The following PTPRN2 variants were observed in gnomAD, a reference collection of about 807,000 sequenced individuals.
The protein encoded by PTPRN2 is protein tyrosine phosphatase receptor type N2.
A neutral mutation model predicts 118.8 loss-of-function variants in PTPRN2; 74 were observed. The ratio of observed to expected loss-of-function variants is 0.62; its 90% CI spans 0.52 to 0.76. The LOEUF (loss-of-function observed/expected upper bound fraction) is 0.76, where lower values mean the gene tolerates loss of function less well. Ranked by LOEUF, PTPRN2 falls within the 30% of genes least tolerant of loss-of-function variation. PTPRN2 has a pLI of 0.00. For missense variants in PTPRN2, 1,481 were observed against 1,394.4 expected, an observed-to-expected ratio of 1.06 and a Z score of -0.99; for synonymous variants, 641 against 608.0, an observed-to-expected ratio of 1.05 and a Z score of -0.80.
In PTPRN2 at chr7:157,671,689, G is replaced by A. The variant is rs1796424476; in HGVS notation, c.2001+11036C>T. On this transcript the variant is annotated intron_variant, in intron 13 of 22. Coordinates refer to ENST00000389418, the MANE Select transcript of PTPRN2 (RefSeq NM_002847.5). The surrounding 1 kb of genome is among the most constrained non-coding windows in gnomAD (Gnocchi z 4.1). ...GCGGGCTGGGGGCGGAGCGGCTACTGGAGCAGCTGCTTCTCCATTTTCGGA... is the reference window on the plus strand; with the variant it reads ...GCGGGCTGGGGGCGGAGCGGCTACTAGAGCAGCTGCTTCTCCATTTTCGGA... 6.6e-6 allele frequency among the ~76,000 whole-genome samples: 1 copy of A among 152,154 alleles called. No homozygotes were observed. The highest frequency in any genetic ancestry group is 1.9e-4 in the East Asian group (1 of 5,180).
intron 11 of PTPRN2, among the ~76,000 whole-genome samples, chr7:158,044,332 G>C (rs1808685339): frequency 6.6e-6 from 1 of 152,276 alleles, no homozygotes; most frequent in East Asian, 1.9e-4. Flanking sequence ...GGCAGGGGTG[G>C]GGGGCGTCCT....
At chr7:158,151,023 G>A (rs1046294850) in intron 6 of PTPRN2, among the ~76,000 whole-genome samples, 1 of 146,192 alleles carries the variant, frequency 6.8e-6, no homozygotes, top group African/African-American at 2.6e-5. Context: ...CGGGAAGCCA[G>A]GCCCTGTCAC....
At chr7:157,876,230 G>T (rs1158050620) in intron 12 of PTPRN2, among the ~76,000 whole-genome samples, 1 of 152,234 alleles carries the variant, frequency 6.6e-6, no homozygotes, top group Non-Finnish European at 1.5e-5. Flanking sequence ...TTGGTCTCCT[G>T]TTGTGACCCA....
At chr7:158,076,482 C>G (rs542797649) in intron 11 of PTPRN2, among the ~76,000 whole-genome samples, 2 of 152,262 alleles carry the variant, frequency 1.3e-5, no homozygotes, top group African/African-American at 4.8e-5. Context: ...CCCCCTCCCC[C>G]GGGGCCAACC....
At position 157,763,521 on chromosome 7, in the gene PTPRN2, C is replaced by T. The variant is rs1802270092; in HGVS notation, c.1789-80584G>A. Among the ~76,000 whole-genome samples the T allele has an allele frequency of 6.6e-6, 1 of 152,086 alleles. No individual in the cohort carries two copies. Among genetic ancestry groups the T allele is most frequent in the Admixed American group, 6.5e-5 (1 of 15,268 alleles). On this transcript the variant is annotated intron_variant, in intron 12 of 22. Coordinates refer to ENST00000389418, the MANE Select transcript of PTPRN2 (RefSeq NM_002847.5). This position sits in a 1 kb window ranked among gnomAD's most constrained non-coding sequence, Gnocchi z 4.9. ...AGTTGGGGATCCTCTCGGCTGGGTC[C>T]CCAGGGGAGCTGCACACTGAGCCTC...
chr7:158,130,641 C>A (rs2150421960), intron 9 of PTPRN2, among the ~76,000 whole-genome samples: 1 of 151,340 alleles, frequency 6.6e-6, no homozygotes, highest in East Asian at 2.0e-4. Context: ...TATGCACAAA[C>A]CAATACACAT....
At chr7:157,637,978 A>C (rs1364624268) in intron 14 of PTPRN2, among the ~76,000 whole-genome samples, 1 of 152,252 alleles carries the variant, frequency 6.6e-6, no homozygotes, top group East Asian at 1.9e-4. Flanking sequence ...AGAAACACTG[A>C]ATTCTATAGC....
chr7:157,755,465 G>C (rs1353266448), intron 12 of PTPRN2, among the ~76,000 whole-genome samples: 1 of 152,110 alleles, frequency 6.6e-6, no homozygotes, highest in Non-Finnish European at 1.5e-5. Context: ...TGTCTTCACG[G>C]GGGGGTTTGA....
At chr7:158,059,059 C>A (rs865825347) in intron 11 of PTPRN2, among the ~76,000 whole-genome samples, 115 of 114,718 alleles carry the variant, frequency 1.0e-3, no homozygotes, top group Non-Finnish European at 1.3e-3. Context: ...CTCCATCTGC[C>A]CACGGTGACA....
At chr7:157,634,772 G>A (rs184204819) in intron 14 of PTPRN2, among the ~76,000 whole-genome samples, 40 of 152,314 alleles carry the variant, frequency 2.6e-4, no homozygotes, top group Admixed American at 1.8e-3. Flanking sequence ...GGCTGACAGG[G>A]GTTCTAGCCC....
chr7:158,571,362 C>T (rs1828019213), intron 1 of PTPRN2, among the ~76,000 whole-genome samples: 1 of 151,734 alleles, frequency 6.6e-6, no homozygotes, highest in African/African-American at 2.4e-5. Flanking sequence ...CCTGTAATCC[C>T]AGCTACTTGG....
At chr7:158,139,687 C>T (rs903934147) in intron 6 of PTPRN2, among the ~76,000 whole-genome samples, 17 of 150,408 alleles carry the variant, frequency 1.1e-4, no homozygotes, top group South Asian at 2.1e-4. Flanking sequence ...GCAGCGGGGG[C>T]GGGGCGGGGG....
At chr7:157,818,463 C>T (rs1806578527) in intron 12 of PTPRN2, among the ~76,000 whole-genome samples, 1 of 150,960 alleles carries the variant, frequency 6.6e-6, no homozygotes, top group Admixed American at 6.6e-5. Flanking sequence ...GGGCCAGGTG[C>T]CCAAGCTACA....
chr7:157,812,943 C>T (rs1444968191), intron 12 of PTPRN2, among the ~76,000 whole-genome samples: 1 of 152,150 alleles, frequency 6.6e-6, no homozygotes, highest in African/African-American at 2.4e-5. Flanking sequence ...GTTTAGAAGT[C>T]CCTAAGCCAA....
In PTPRN2 at chr7:157,997,108, C is replaced by T. The variant is rs1398052211; in HGVS notation, c.1723+84190G>A. On this transcript the variant is annotated intron_variant, in intron 11 of 22. Transcript: ENST00000389418. Reference sequence around the variant, plus strand: ...TCCCCTGACGTGGGGTGTCTGCCCTCCCCAGGAGGACGGGGTTGGGGGCAC... The same window carrying T: ...TCCCCTGACGTGGGGTGTCTGCCCTTCCCAGGAGGACGGGGTTGGGGGCAC... Among the ~76,000 whole-genome samples, 7 of 152,240 alleles carry T rather than the reference C, an allele frequency of 4.6e-5. No homozygotes were observed. The East Asian group carries it at 1.3e-3, about 29-fold the overall frequency.
chr7:158,138,210 G>A, intron 7 of PTPRN2, 84 bp downstream of exon 7: 7 of 1,228,018 alleles, frequency 5.7e-6, no homozygotes, highest in Non-Finnish European at 8.0e-6. Context: ...ATTGCACTTG[G>A]TGAGCCAGCA....
chr7:157,657,895 A>ACG (rs1468482084), intron 13 of PTPRN2, among the ~76,000 whole-genome samples: 3 of 123,332 alleles, frequency 2.4e-5, no homozygotes, highest in Non-Finnish European at 3.6e-5. Context: ...CACCACACAC[A>ACG]TCACAGACAC....
chr7:157,757,176 G>A (rs1350931601), intron 12 of PTPRN2, among the ~76,000 whole-genome samples: 2 of 151,708 alleles, frequency 1.3e-5, no homozygotes, highest in East Asian at 3.9e-4. Context: ...CCTTGCAGCT[G>A]AGGCTGCACC....
chr7:157,921,554 G>A (rs939022706), intron 11 of PTPRN2, among the ~76,000 whole-genome samples: 14 of 152,344 alleles, frequency 9.2e-5, no homozygotes, highest in African/African-American at 2.9e-4. Flanking sequence ...AGGTCATTAA[G>A]AGGGACTGAT....
Sources: allele counts gnomAD v4.1 joint callset (sites outside exome capture counted in the v4.1 genomes callset), GRCh38; gene constraint gnomAD v4.1.1; non-coding constraint Gnocchi (gnomAD v3.1); transcripts MANE v1.5; gene names NCBI Gene and HGNC (gene_info 2026-07-23, HGNC 2026-07-21).